Variants in GRXCR1 observed in about 807,000 individuals in gnomAD.
GRXCR1 encodes the protein glutaredoxin domain-containing cysteine-rich protein 1.
In GRXCR1, 27 loss-of-function variants were observed where a neutral mutation model predicts 27.3. The ratio of observed to expected loss-of-function variants is 0.99; its 90% CI spans 0.73 to 1.37. GRXCR1 has a LOEUF of 1.37. GRXCR1 is among the 40% of genes most tolerant of loss of function. GRXCR1 has a pLI of 0.00. For missense variants in GRXCR1, 379 were observed against 354.4 expected (o/e 1.07, Z -0.56); for synonymous variants, 122 against 131.1 (o/e 0.93, Z 0.47).
At chr4:43,009,204 T>A (rs1265569022) in intron 2 of GRXCR1, among the ~76,000 whole-genome samples, 14 of 152,192 alleles carry the variant, frequency 9.2e-5, no homozygotes, top group Non-Finnish European at 2.1e-4. Flanking sequence ...CTCCTTGATT[T>A]GCCTCTCCAA....
intron 1 of GRXCR1, among the ~76,000 whole-genome samples, chr4:42,916,117 C>T (rs1434690840): frequency 6.7e-6 from 1 of 148,362 alleles, no homozygotes; most frequent in Non-Finnish European, 1.5e-5. Context: ...AAAAAGATTA[C>T]TGAAGCATGT....
intron 2 of GRXCR1, among the ~76,000 whole-genome samples, chr4:43,010,453 C>T (rs1712711440): frequency 6.6e-6 from 1 of 151,380 alleles, no homozygotes; most frequent in Non-Finnish European, 1.5e-5. Context: ...ATTACTTTTG[C>T]TGACATCTTA....
intron 2 of GRXCR1, among the ~76,000 whole-genome samples, chr4:42,980,739 C>G (rs1261082511): frequency 6.6e-6 from 1 of 152,036 alleles, no homozygotes; most frequent in South Asian, 2.1e-4. Flanking sequence ...ATAGTGAAGT[C>G]TCCTACTATT....
intron 2 of GRXCR1, among the ~76,000 whole-genome samples, chr4:42,974,610 C>G (rs1748466065): frequency 6.6e-6 from 1 of 152,090 alleles, no homozygotes; most frequent in South Asian, 2.1e-4. Context: ...GGGCCGGTTT[C>G]AGTCCCTCTG....
At chr4:42,999,329 G>A (rs1181701251) in intron 2 of GRXCR1, among the ~76,000 whole-genome samples, 1 of 152,196 alleles carries the variant, frequency 6.6e-6, no homozygotes, top group Non-Finnish European at 1.5e-5. Flanking sequence ...GAGAGACAAA[G>A]GAGGGTCTTG....
chr4:42,931,643 G>T (rs535692463), intron 1 of GRXCR1, among the ~76,000 whole-genome samples: 2 of 151,658 alleles, frequency 1.3e-5, no homozygotes, highest in African/African-American at 4.8e-5. Context: ...ACAACATTTT[G>T]TTTTGAAATA....
chr4:43,000,995 C>T (rs35217845), intron 2 of GRXCR1, among the ~76,000 whole-genome samples: 10,056 of 151,956 alleles, frequency 0.066, 502 homozygotes, highest in African/African-American at 0.14. Flanking sequence ...GGTGCTATCT[C>T]GGCTCACTGC....
intron 2 of GRXCR1, among the ~76,000 whole-genome samples, chr4:42,990,867 C>T (rs1293372514): frequency 6.6e-6 from 1 of 152,074 alleles, no homozygotes; most frequent in Non-Finnish European, 1.5e-5. Flanking sequence ...AAATGCCACA[C>T]AGTTGTTAAA....
chr4:42,946,141 A>G (rs1747739247), intron 1 of GRXCR1, among the ~76,000 whole-genome samples: 1 of 152,176 alleles, frequency 6.6e-6, no homozygotes, highest in Admixed American at 6.5e-5. Context: ...TCAGAATGAT[A>G]TATACCCAGT....
chr4:43,019,144 C>G (rs1225101586), intron 2 of GRXCR1, among the ~76,000 whole-genome samples: 1 of 152,170 alleles, frequency 6.6e-6, no homozygotes, highest in East Asian at 1.9e-4. Flanking sequence ...TCAAATGCCA[C>G]CAACCTCAGA....
At chr4:42,999,375 G>C (rs544014459) in intron 2 of GRXCR1, among the ~76,000 whole-genome samples, 2 of 152,336 alleles carry the variant, frequency 1.3e-5, no homozygotes, top group Admixed American at 1.3e-4. Context: ...ACTTAAACAT[G>C]AGCTTCTTCA....
chr4:43,002,180 C>T (rs2109797237), intron 2 of GRXCR1, among the ~76,000 whole-genome samples: 1 of 152,410 alleles, frequency 6.6e-6, no homozygotes, highest in South Asian at 2.1e-4. Flanking sequence ...AGGCTTTCCT[C>T]TTTTACTAAT....
chr4:42,954,687 C>A (rs1747958255), intron 1 of GRXCR1, among the ~76,000 whole-genome samples: 1 of 152,028 alleles, frequency 6.6e-6, no homozygotes, highest in Non-Finnish European at 1.5e-5. Flanking sequence ...CTTATAGAGG[C>A]ACATAGAGAA....
chr4:42,977,358 G>A (rs1311634703), intron 2 of GRXCR1, among the ~76,000 whole-genome samples: 1 of 151,800 alleles, frequency 6.6e-6, no homozygotes, highest in Non-Finnish European at 1.5e-5. Flanking sequence ...TGGATCATAT[G>A]GTAGTTGTAT....
chr4:43,021,822 T>C (rs754581596), intron 3 of GRXCR1, among the ~76,000 whole-genome samples: 3 of 152,208 alleles, frequency 2.0e-5, no homozygotes, highest in Non-Finnish European at 4.4e-5. Flanking sequence ...AATTTGTTTT[T>C]GTAAAATGTT....
intron 1 of GRXCR1, among the ~76,000 whole-genome samples, chr4:42,945,735 T>G (rs1274906743): frequency 6.6e-6 from 1 of 152,142 alleles, no homozygotes; most frequent in Non-Finnish European, 1.5e-5. Context: ...ATGGTTAACA[T>G]CTGCACAAGC....
chr4:42,959,508 A>G (rs1748082298), intron 1 of GRXCR1, among the ~76,000 whole-genome samples: 1 of 151,904 alleles, frequency 6.6e-6, no homozygotes, highest in Admixed American at 6.6e-5. Context: ...ATATTATATT[A>G]CATATTCAAA....
chr4:42,947,998 T>C (rs1747787391), intron 1 of GRXCR1, among the ~76,000 whole-genome samples: 1 of 152,210 alleles, frequency 6.6e-6, no homozygotes, highest in African/African-American at 2.4e-5. Context: ...TTTGGGGAAA[T>C]TGCAGAAGAG....
chr4:43,003,950 T>C (rs1222480388), intron 2 of GRXCR1, among the ~76,000 whole-genome samples: 1 of 152,250 alleles, frequency 6.6e-6, no homozygotes, highest in African/African-American at 2.4e-5. Flanking sequence ...TGAATATTAA[T>C]AGCAAAGACA....
Sources: gnomAD v4.1 joint callset for allele counts (sites outside exome capture counted in the v4.1 genomes callset) on GRCh38, gnomAD v4.1.1 for gene constraint, MANE v1.5 for transcripts, NCBI Gene and HGNC (gene_info 2026-07-23, HGNC 2026-07-21) for gene names.